IFT122: variants seen among roughly 807,000 people sequenced by gnomAD.
IFT122 encodes the protein intraflagellar transport 122.
In IFT122, 118 loss-of-function variants were observed where a neutral mutation model predicts 161.6. That is an observed-to-expected ratio of 0.73 (90% CI 0.63 to 0.85). The LOEUF is 0.85. Ranked by LOEUF, IFT122 falls within the 40% of genes least tolerant of loss-of-function variation. The pLI is 0.00. For synonymous variants in IFT122, 550 were observed against 602.4 expected (o/e 0.91, Z 1.27); for missense variants, 1,381 against 1,579.6 (o/e 0.87, Z 2.13).
rs189625391 is a variant in IFT122 at position 129,461,259 on chromosome 3, A to G, written c.304A>G (p.Asn102Asp). 6.2e-7 allele frequency: 1 copy of G among 1,613,756 alleles called. No homozygotes were observed. The highest frequency in any genetic ancestry group is 8.5e-7 in the Non-Finnish European group (1 of 1,179,646). ...HNDAIQCVSY[N>D]PITHQLASCS... ...TGATGCTATACAATGTGTCTCCTAC[A>G]ATCCTATTACTCATCAACTGGCATC... Residue 102 changes from asparagine (N) to aspartate (D), a missense_variant, in exon 5 of 30, where the codon AAT becomes GAT. Transcript: ENST00000348417.
chr3:129,496,487 C>T (rs1038170433), intron 18 of IFT122, among the ~76,000 whole-genome samples: 2 of 152,164 alleles, frequency 1.3e-5, no homozygotes, highest in Non-Finnish European at 2.9e-5. Context: ...CAGCCATAAC[C>T]TATTGGTGGG....
intron 15 of IFT122, 155 bp from the exon 16 acceptor site, chr3:129,488,102 G>A (rs1211281112): frequency 1.7e-6 from 2 of 1,174,156 alleles, no homozygotes; most frequent in East Asian, 2.5e-5. Context: ...AGGGTGGGCT[G>A]GGCAGGCTGG....
At chr3:129,453,918 C>T (rs67787754) in intron 3 of IFT122, among the ~76,000 whole-genome samples, 20,182 of 152,132 alleles carry the variant, frequency 0.13, 1,718 homozygotes, top group South Asian at 0.24. Context: ...TTCTGTGAGT[C>T]TGAGCTGGTT....
intron 23 of IFT122, 144 bp from the exon 24 acceptor site, chr3:129,512,168 G>A (rs528142799): frequency 2.4e-5 from 18 of 745,664 alleles, no homozygotes; most frequent in African/African-American, 8.5e-5. Flanking sequence ...GCTATATGGC[G>A]CTCAGCACAC....
chr3:129,461,746 G>A (rs6789079), intron 5 of IFT122, among the ~76,000 whole-genome samples: 57,257 of 152,102 alleles, frequency 0.38, 17,311 homozygotes, highest in African/African-American at 0.81. Context: ...GCAATTTGTC[G>A]TCATTACTGG....
intron 9 of IFT122, among the ~76,000 whole-genome samples, chr3:129,470,573 TTTG>T (rs2077264747): frequency 6.7e-6 from 1 of 148,252 alleles, no homozygotes; most frequent in African/African-American, 2.5e-5. Context: ...CCTATGATTT[TTTG>T]TTTGTTTGTT....
In IFT122 at chr3:129,450,032, TAAA is replaced by T. The variant is rs2074574572; in HGVS notation, c.108+98_108+100del. ...GACCCTTTTTTTTTTTTTTTGAGAT[TAAA>T]AAGGCAAGGGTGGAAAAACCTTCCC... On this transcript the variant is annotated intron_variant, in intron 2 of 29. Coordinates refer to ENST00000348417, the MANE Select transcript of IFT122 (RefSeq NM_052989.3). 10 of 843,518 alleles carry T rather than the reference TAAA, an allele frequency of 1.2e-5. No homozygotes were observed. In the African/African-American group the frequency reaches 1.4e-4, roughly 11 times the overall value. 52.3% of individuals were successfully genotyped at this position (843,518 alleles called of 1,614,324 possible).
At chr3:129,459,748 C>CCCTT (rs1559865334) in intron 4 of IFT122, among the ~76,000 whole-genome samples, 1 of 72,552 alleles carries the variant, frequency 1.4e-5, no homozygotes, top group African/African-American at 1.8e-4. Context: ...CTCCCTTCTT[C>CCCTT]CTTCCTTCCT....
intron 15 of IFT122, among the ~76,000 whole-genome samples, chr3:129,485,715 C>T (rs745406757): frequency 5.9e-5 from 9 of 152,260 alleles, no homozygotes; most frequent in Admixed American, 2.0e-4. Context: ...TGACTGTGGC[C>T]GGCCAAGAGG....
chr3:129,486,445 T>C (rs1413456570), intron 15 of IFT122, among the ~76,000 whole-genome samples: 1 of 152,186 alleles, frequency 6.6e-6, no homozygotes, highest in African/African-American at 2.4e-5. Flanking sequence ...ACTCATAAAA[T>C]AGCAAAAACC....
intron 14 of IFT122, among the ~76,000 whole-genome samples, chr3:129,482,992 C>T (rs986697979): frequency 1.1e-4 from 17 of 152,126 alleles, no homozygotes; most frequent in African/African-American, 4.1e-4. Flanking sequence ...GCTGCCCCAT[C>T]CCCACTGCTG....
chr3:129,502,290 G>A (rs111808133), intron 19 of IFT122, among the ~76,000 whole-genome samples: 6 of 152,340 alleles, frequency 3.9e-5, no homozygotes, highest in African/African-American at 1.2e-4. Context: ...GCTGGGCCCA[G>A]TCTTGGGCTG....
intron 1 of IFT122, among the ~76,000 whole-genome samples, chr3:129,446,983 G>T (rs1207934153): frequency 6.6e-6 from 1 of 152,152 alleles, no homozygotes; most frequent in African/African-American, 2.4e-5. Context: ...CTGAACCAAT[G>T]AAATCCTCTG....
Position 129,516,912 on chromosome 3 carries a change from G to A in IFT122, c.3266-557G>A, listed in dbSNP as rs574718623. ...TCCTGCACACAGACACACAGAGACC[G>A]CTCCTGCACACACACGGAGACTGCC... On this transcript the variant is annotated intron_variant, in intron 26 of 29. Coordinates refer to ENST00000348417, the MANE Select transcript of IFT122 (RefSeq NM_052989.3). Among the ~76,000 whole-genome samples, 74 of 107,180 alleles carry A rather than the reference G, an allele frequency of 6.9e-4. 1 individual carries two copies. The highest frequency in any genetic ancestry group is 2.5e-3 in the African/African-American group (69 of 27,336). The allele number at this position is 107,180 out of a possible 152,430, so 70.3% of individuals were successfully genotyped here.
At chr3:129,466,516 T>C (rs890338863) in intron 7 of IFT122, among the ~76,000 whole-genome samples, 3 of 145,318 alleles carry the variant, frequency 2.1e-5, no homozygotes, top group Non-Finnish European at 4.5e-5. Context: ...TTTTTTTTTT[T>C]TTTGAGACGG....
chr3:129,440,254 G>T lies in IFT122; in HGVS notation c.-77G>T. ...AGGTAGCCAAAGTGGCTTGTGGAGT[G>T]GCGACCGTTAGTGAGGCGGTTGCTG... On this transcript the variant is annotated 5_prime_UTR_variant, in exon 1 of 30. Transcript: ENST00000348417. The T allele has an allele frequency of 2.0e-6, 3 of 1,536,324 alleles. No individual in the cohort carries two copies. The highest frequency in any genetic ancestry group is 2.6e-6 in the Non-Finnish European group (3 of 1,137,634).
At chr3:129,496,454 C>T (rs531884692) in intron 18 of IFT122, among the ~76,000 whole-genome samples, 1 of 152,332 alleles carries the variant, frequency 6.6e-6, no homozygotes, top group African/African-American at 2.4e-5. Flanking sequence ...AAGTGGCTCT[C>T]AGTATGTTAT....
At chr3:129,514,673 G>GTGCCCCCTGCTCAAGCC in intron 25 of IFT122, 119 bp downstream of exon 25, 1 of 1,177,792 alleles carries the variant, frequency 8.5e-7, no homozygotes, top group Middle Eastern at 2.2e-4. Context: ...TCTAGGCTCT[G>GTGCCCCCTGCTCAAGCC]TGCCCCCTGC....
At chr3:129,471,160 G>T (rs532526957) in intron 9 of IFT122, among the ~76,000 whole-genome samples, 3 of 152,214 alleles carry the variant, frequency 2.0e-5, no homozygotes, top group Non-Finnish European at 4.4e-5. Flanking sequence ...CTTTAATTGC[G>T]TAGCATCCTT....
Sources: gnomAD v4.1 joint callset for allele counts (sites outside exome capture counted in the v4.1 genomes callset) on GRCh38, gnomAD v4.1.1 for gene constraint, MANE v1.5 for transcripts, NCBI Gene and HGNC (gene_info 2026-07-23, HGNC 2026-07-21) for gene names.